The following SVOPL variants were observed in gnomAD, a reference collection of about 807,000 sequenced individuals.
The protein encoded by SVOPL is putative transporter SVOPL.
In SVOPL, 60 loss-of-function variants were observed where a neutral mutation model predicts 61.0. The observed-to-expected ratio is 0.98, with a 90% CI of 0.80 to 1.22. The LOEUF (loss-of-function observed/expected upper bound fraction) is 1.22. Ranked by LOEUF, SVOPL falls within the 50% of genes most tolerant of loss-of-function variation. The probability of loss-of-function intolerance (pLI) is 0.00; values close to 1 mark genes in which losing one functional copy is unlikely to be tolerated. For synonymous variants in SVOPL, 279 were observed against 250.0 expected (o/e 1.12, Z -1.09); for missense variants, 662 against 643.9 (o/e 1.03, Z -0.30).
intron 9 of SVOPL, among the ~76,000 whole-genome samples, chr7:138,635,463 C>T (rs1762358349): frequency 6.6e-6 from 1 of 151,234 alleles, no homozygotes; most frequent in Admixed American, 6.6e-5. Flanking sequence ...GTCTCGAACT[C>T]CTGGTCTCAA....
chr7:138,696,491 C>T (rs760842681), intron 1 of SVOPL, among the ~76,000 whole-genome samples: 3 of 151,994 alleles, frequency 2.0e-5, no homozygotes, highest in African/African-American at 7.3e-5. Context: ...GGTACAATCT[C>T]GGCTCACTGC....
At chr7:138,641,809 A>ATGT (rs1335889981) in intron 9 of SVOPL, among the ~76,000 whole-genome samples, 4 of 42,584 alleles carry the variant, frequency 9.4e-5, no homozygotes, top group Admixed American at 3.6e-4. Flanking sequence ...TCAAATATAT[A>ATGT]TATGTTATAT....
chr7:138,665,429 G>C (rs1802225511), intron 4 of SVOPL, among the ~76,000 whole-genome samples: 1 of 151,844 alleles, frequency 6.6e-6, no homozygotes, highest in African/African-American at 2.4e-5. Flanking sequence ...CAGGAGGATG[G>C]GAGGAGCCCA....
chr7:138,697,900 G>A (rs1216690904), intron 1 of SVOPL, among the ~76,000 whole-genome samples: 2 of 151,456 alleles, frequency 1.3e-5, no homozygotes, highest in South Asian at 2.1e-4. Flanking sequence ...ATTCACAAGA[G>A]GACATGTAAA....
chr7:138,597,326 C>A, intron 14 of SVOPL: 2 of 953,032 alleles, frequency 2.1e-6, no homozygotes. Context: ...CTTCCCTTTA[C>A]AGATGAGCCT....
chr7:138,686,843 C>A (rs1802829011), intron 1 of SVOPL, among the ~76,000 whole-genome samples: 1 of 152,126 alleles, frequency 6.6e-6, no homozygotes, highest in Non-Finnish European at 1.5e-5. Flanking sequence ...GGATTACAGG[C>A]ATGAGCCACC....
At chr7:138,596,188 TAAA>T (rs34972084) in intron 15 of SVOPL, among the ~76,000 whole-genome samples, 18 of 120,318 alleles carry the variant, frequency 1.5e-4, no homozygotes, top group Middle Eastern at 4.3e-3. Context: ...GACTCTGTCT[TAAA>T]AAAAAAAAAA....
intron 14 of SVOPL, among the ~76,000 whole-genome samples, chr7:138,611,908 A>G (rs1303862803): frequency 4.7e-4 from 13 of 27,950 alleles, no homozygotes; most frequent in South Asian, 1.1e-3. Flanking sequence ...CCAACAGCTC[A>G]TTGAGAACGG....
chr7:138,638,982 G>C (rs947349980), intron 9 of SVOPL, among the ~76,000 whole-genome samples: 2 of 152,244 alleles, frequency 1.3e-5, no homozygotes, highest in Non-Finnish European at 1.5e-5. Context: ...GCCAGGCACA[G>C]TGGCTCATGC....
At chr7:138,625,894 C>T in intron 13 of SVOPL, 75 bp downstream of exon 13, 4 of 1,401,992 alleles carry the variant, frequency 2.9e-6, no homozygotes. Context: ...GCCAGGCATG[C>T]ATTACCTTTG....
At chr7:138,598,381 G>A (rs1213073390) in intron 14 of SVOPL, among the ~76,000 whole-genome samples, 3 of 152,156 alleles carry the variant, frequency 2.0e-5, no homozygotes, top group Non-Finnish European at 4.4e-5. Flanking sequence ...TCCACAAATA[G>A]TTGGAGACTT....
At chr7:138,673,488 C>T (rs1802480983) in intron 3 of SVOPL, among the ~76,000 whole-genome samples, 4 of 152,054 alleles carry the variant, frequency 2.6e-5, no homozygotes, top group South Asian at 2.1e-4. Flanking sequence ...AAAACCCCAT[C>T]GCTGCTAAAA....
chr7:138,665,945 G>A (rs1009991897), intron 4 of SVOPL, among the ~76,000 whole-genome samples: 7 of 152,164 alleles, frequency 4.6e-5, no homozygotes, highest in Non-Finnish European at 1.0e-4. Flanking sequence ...CTTGCACAAA[G>A]ACCACTGATC....
In SVOPL at chr7:138,669,659, G is replaced by C. The variant is rs151288596; in HGVS notation, c.273+2360C>G. 4.3e-3 allele frequency among the ~76,000 whole-genome samples: 650 copies of C among 152,136 alleles called. 1 individual carries two copies. The highest frequency in any genetic ancestry group is 0.015 in the African/African-American group (617 of 41,514). On this transcript the variant is annotated intron_variant, in intron 4 of 15. Transcript: ENST00000674285. ...GTAATGCGTGCCTCACTCCTCCCTGGTTCATTCATTCTCACTTATGACTTA... is the reference window on the plus strand; with the variant it reads ...GTAATGCGTGCCTCACTCCTCCCTGCTTCATTCATTCTCACTTATGACTTA...
intron 8 of SVOPL, among the ~76,000 whole-genome samples, chr7:138,647,349 C>G (rs937062544): frequency 6.6e-6 from 1 of 151,946 alleles, no homozygotes; most frequent in African/African-American, 2.4e-5. Context: ...CCATTGCACT[C>G]CAGCCTGGGC....
In SVOPL at chr7:138,663,124, C is replaced by T. The variant is rs77230230; in HGVS notation, c.295G>A (p.Val99Ile). 0.015 allele frequency: 24,930 copies of T among 1,613,974 alleles called. 1,659 individuals carry two copies. The East Asian group carries it at 0.24, about 16-fold the overall frequency. ...VTTMVFFGYM[V>I]FSILFGLLAD... is the part of the protein sequence containing the mutation. ...AGGAGGCCAAAGAGGATACTGAAAA[C>T]CATGTAGCCAAAAAACACCATCTGC... Residue 99 changes from valine (V) to isoleucine (I), a missense_variant, in exon 5 of 16, where the codon GTT becomes ATT. Coordinates refer to ENST00000674285, the MANE Select transcript of SVOPL (RefSeq NM_001139456.2).
chr7:138,598,562 T>A (rs1461801309), intron 14 of SVOPL, among the ~76,000 whole-genome samples: 1 of 152,036 alleles, frequency 6.6e-6, no homozygotes, highest in Non-Finnish European at 1.5e-5. Flanking sequence ...ATAAACCATA[T>A]CCAGGGCCCT....
chr7:138,649,216 T>G, intron 7 of SVOPL, 79 bp from the exon 8 acceptor site: 1 of 1,478,792 alleles, frequency 6.8e-7, no homozygotes, highest in African/African-American at 1.4e-5. Context: ...ATATATATTT[T>G]TAGAAAGATT....
At chr7:138,655,662 T>C (rs1346044326) in intron 7 of SVOPL, among the ~76,000 whole-genome samples, 1 of 149,270 alleles carries the variant, frequency 6.7e-6, no homozygotes, top group African/African-American at 2.4e-5. Context: ...TATACTAATA[T>C]ATTTACGTAT....
Sources: allele counts gnomAD v4.1 joint callset (sites outside exome capture counted in the v4.1 genomes callset), GRCh38; gene constraint gnomAD v4.1.1; transcripts MANE v1.5; gene names NCBI Gene and HGNC (gene_info 2026-07-23, HGNC 2026-07-21).